ZCCHC17: variants seen among roughly 807,000 people sequenced by gnomAD.
The protein encoded by ZCCHC17 is zinc finger CCHC domain-containing protein 17.
A neutral mutation model predicts 30.6 loss-of-function variants in ZCCHC17; 18 were observed. The observed-to-expected ratio is 0.59, with a 90% confidence interval of 0.41 to 0.87. The LOEUF is 0.87. Among genes scored for constraint, ZCCHC17 ranks in the 40% least tolerant of loss-of-function variants. The pLI is 0.00. For missense variants in ZCCHC17, 263 were observed against 284.2 expected (o/e 0.93, Z 0.54); for synonymous variants, 88 against 92.4 (o/e 0.95, Z 0.27).
intron 6 of ZCCHC17, among the ~76,000 whole-genome samples, chr1:31,347,666 G>A (rs1054303787): frequency 6.6e-6 from 1 of 152,118 alleles, no homozygotes; most frequent in Admixed American, 6.5e-5. Context: ...AGGCTGGAGT[G>A]TAGTGTTATG....
At chr1:31,339,119 C>A (rs1638934623) in intron 5 of ZCCHC17, 71 bp downstream of exon 5, 1 of 1,101,950 alleles carries the variant, frequency 9.1e-7, no homozygotes, top group East Asian at 2.4e-5. Flanking sequence ...GTAAATCAGA[C>A]TGAACTGGTA....
intron 5 of ZCCHC17, among the ~76,000 whole-genome samples, chr1:31,341,569 A>G (rs2148458851): frequency 6.6e-6 from 1 of 152,352 alleles, no homozygotes; most frequent in African/African-American, 2.4e-5. Flanking sequence ...TGGCTGAAAC[A>G]GTAACTTTTG....
chr1:31,361,919 C>T (rs1639916543), intron 7 of ZCCHC17, among the ~76,000 whole-genome samples: 1 of 152,072 alleles, frequency 6.6e-6, no homozygotes, highest in Non-Finnish European at 1.5e-5. Flanking sequence ...TCAAGCGATC[C>T]TCCCACCTCA....
At chr1:31,357,759 CT>C (rs34448655) in intron 7 of ZCCHC17, among the ~76,000 whole-genome samples, 121 of 143,690 alleles carry the variant, frequency 8.4e-4, no homozygotes, top group Admixed American at 9.7e-4. Context: ...CCAGGCCTTT[CT>C]TTTTTTTTTT....
chr1:31,359,983 C>CTTTTT (rs10711140), intron 7 of ZCCHC17, among the ~76,000 whole-genome samples: 1 of 145,226 alleles, frequency 6.9e-6, no homozygotes, highest in Admixed American at 6.9e-5. Context: ...GAACTACAAC[C>CTTTTT]TTTTTTTTTT....
intron 7 of ZCCHC17, among the ~76,000 whole-genome samples, chr1:31,357,269 C>G (rs1293746915): frequency 6.6e-6 from 1 of 152,138 alleles, no homozygotes; most frequent in Non-Finnish European, 1.5e-5. Flanking sequence ...CAGTCCTGAG[C>G]CCACTCAGGG....
At chr1:31,336,308 CTG>C (rs1317501336) in intron 3 of ZCCHC17, among the ~76,000 whole-genome samples, 1 of 152,082 alleles carries the variant, frequency 6.6e-6, no homozygotes, top group Non-Finnish European at 1.5e-5. Context: ...TATTTCAGCT[CTG>C]TAAGTTTTTT....
intron 1 of ZCCHC17, among the ~76,000 whole-genome samples, chr1:31,300,740 A>G (rs942170309): frequency 1.3e-5 from 2 of 152,070 alleles, no homozygotes; most frequent in African/African-American, 4.8e-5. Context: ...GTTCGAGACC[A>G]TCCTGACCAA....
intron 7 of ZCCHC17, among the ~76,000 whole-genome samples, chr1:31,353,821 T>C (rs1335794534): frequency 6.6e-6 from 1 of 152,198 alleles, no homozygotes; most frequent in Non-Finnish European, 1.5e-5. Flanking sequence ...CTATCACTGG[T>C]CTATATGTCT....
rs567942653 is a variant in ZCCHC17, at chr1:31,313,983, C to G, written c.66+3819C>G. Reference sequence around the variant, plus strand: ...GGTTCAAGTGATTCTCCTGCCTAAGCCTCCAGAGTAGCAGGGACTACAGGC... The same window carrying G: ...GGTTCAAGTGATTCTCCTGCCTAAGGCTCCAGAGTAGCAGGGACTACAGGC... On this transcript the variant is annotated intron_variant, in intron 2 of 7. Coordinates refer to ENST00000344147, the MANE Select transcript of ZCCHC17 (RefSeq NM_016505.4). 7.9e-5 allele frequency among the ~76,000 whole-genome samples: 12 copies of G among 152,192 alleles called. No individual in the cohort carries two copies. In the South Asian group the frequency reaches 2.5e-3, roughly 32 times the overall value.
intron 3 of ZCCHC17, among the ~76,000 whole-genome samples, chr1:31,320,472 C>T (rs1363996389): frequency 6.6e-6 from 1 of 152,168 alleles, no homozygotes; most frequent in Non-Finnish European, 1.5e-5. Context: ...AGCCATCACT[C>T]CAGATTCTCT....
chr1:31,300,391 G>A (rs1646281581), intron 1 of ZCCHC17, among the ~76,000 whole-genome samples: 1 of 152,104 alleles, frequency 6.6e-6, no homozygotes, highest in African/African-American at 2.4e-5. Flanking sequence ...TTATCACATT[G>A]CAGTGTAATT....
chr1:31,361,720 G>T (rs946870457), intron 7 of ZCCHC17, among the ~76,000 whole-genome samples: 16 of 152,190 alleles, frequency 1.1e-4, no homozygotes, highest in East Asian at 1.9e-4. Context: ...CTTTCAACTT[G>T]TCCAAGCCTT....
At chr1:31,327,416 C>T (rs1015951789) in intron 3 of ZCCHC17, among the ~76,000 whole-genome samples, 1 of 152,252 alleles carries the variant, frequency 6.6e-6, no homozygotes, top group Non-Finnish European at 1.5e-5. Context: ...AAACACTTTA[C>T]AGTAGTCCCC....
At chr1:31,343,449 A>G (rs867705232) in intron 5 of ZCCHC17, among the ~76,000 whole-genome samples, 18 of 152,276 alleles carry the variant, frequency 1.2e-4, no homozygotes, top group African/African-American at 4.1e-4. Context: ...TTGCCCTGTT[A>G]TGCTCAGTAT....
At chr1:31,326,970 T>G (rs564845583) in intron 3 of ZCCHC17, among the ~76,000 whole-genome samples, 15 of 152,282 alleles carry the variant, frequency 9.9e-5, no homozygotes, top group Admixed American at 3.9e-4. Flanking sequence ...GTAGGTAGAT[T>G]CTAATTTGAG....
intron 4 of ZCCHC17, among the ~76,000 whole-genome samples, chr1:31,338,669 G>GA (rs796192827): frequency 4.6e-5 from 7 of 152,326 alleles, no homozygotes; most frequent in African/African-American, 1.7e-4. Flanking sequence ...TTACCTGGAA[G>GA]AAAAACTTTT....
At chr1:31,317,622 T>C (rs1440313652) in intron 2 of ZCCHC17, among the ~76,000 whole-genome samples, 2 of 131,030 alleles carry the variant, frequency 1.5e-5, no homozygotes, top group African/African-American at 5.5e-5. Context: ...TCTATACCTA[T>C]ACTGTTATTT....
rs1176985636 is a variant in ZCCHC17 at position 31,331,436 on chromosome 1, G to A, written c.125-5739G>A. On this transcript the variant is annotated intron_variant, in intron 3 of 7. Transcript: ENST00000344147. ...GCTGGGATTACAGGCGTGAGCCAGC[G>A]TGCCCGTCCTGTATCATAATATTCT... Among the ~76,000 whole-genome samples, 5 of 151,142 alleles carry A rather than the reference G, an allele frequency of 3.3e-5. No individual in the cohort carries two copies. The East Asian group carries it at 7.9e-4, about 24-fold the overall frequency.
Sources: allele counts gnomAD v4.1 joint callset (sites outside exome capture counted in the v4.1 genomes callset), GRCh38; gene constraint gnomAD v4.1.1; transcripts MANE v1.5; gene names NCBI Gene and HGNC (gene_info 2026-07-23, HGNC 2026-07-21).